PDE12: variants seen among roughly 807,000 people sequenced by gnomAD.
PDE12 encodes 2',5'-phosphodiesterase 12.
Under a neutral mutation model 45.4 loss-of-function variants are expected in PDE12, and 26 were observed. The observed-to-expected ratio is 0.57, with a 90% confidence interval of 0.42 to 0.79. The LOEUF is 0.79. PDE12 is among the 30% of genes least tolerant of loss of function. The pLI, the probability that PDE12 is intolerant of heterozygous loss-of-function variation, is 0.00. For synonymous variants in PDE12, 283 were observed against 323.9 expected, an observed-to-expected ratio of 0.87 and a Z score of 1.36; for missense variants, 668 against 790.0, an observed-to-expected ratio of 0.85 and a Z score of 1.85.
chr3:57,586,704 C>CA, the PDE12 span, among the ~76,000 whole-genome samples: 1 of 151,662 alleles, frequency 6.6e-6, no homozygotes, highest in African/African-American at 2.4e-5. Context: ...GGAACATTAT[C>CA]AAAAAAATCA....
chr3:57,598,452 CTG>C, the PDE12 span, among the ~76,000 whole-genome samples: 1 of 152,240 alleles, frequency 6.6e-6, no homozygotes, highest in South Asian at 2.1e-4. Flanking sequence ...CCTTCAGAGA[CTG>C]TTATTTCTTA....
the PDE12 span, among the ~76,000 whole-genome samples, chr3:57,573,878 G>A: frequency 1.3e-4 from 20 of 152,012 alleles, no homozygotes; most frequent in South Asian, 2.1e-4. Flanking sequence ...CACCACACCC[G>A]GCCCAGTTTA....
the PDE12 span, among the ~76,000 whole-genome samples, chr3:57,590,385 C>T: frequency 4.0e-5 from 6 of 151,604 alleles, no homozygotes; most frequent in African/African-American, 1.5e-4. Context: ...ACTTGGGAGG[C>T]TGAGGCAGGA....
At chr3:57,589,015 T>C in the PDE12 span, among the ~76,000 whole-genome samples, 4 of 151,978 alleles carry the variant, frequency 2.6e-5, no homozygotes, top group South Asian at 2.1e-4. Context: ...GGCAGGAGAA[T>C]TGCTTGAACC....
chr3:57,605,427 A>G, the PDE12 span, among the ~76,000 whole-genome samples: 9 of 152,180 alleles, frequency 5.9e-5, no homozygotes, highest in African/African-American at 1.4e-4. Context: ...GCCTGGTTCT[A>G]TCAATCAGCC....
At chr3:57,653,900 C>T in the PDE12 span, among the ~76,000 whole-genome samples, 1 of 150,452 alleles carries the variant, frequency 6.6e-6, no homozygotes, top group African/African-American at 2.4e-5. Context: ...AAGCTCCCAC[C>T]ACCAAAACAG....
the PDE12 span, among the ~76,000 whole-genome samples, chr3:57,619,840 ACT>A: frequency 6.6e-6 from 1 of 151,992 alleles, no homozygotes; most frequent in Non-Finnish European, 1.5e-5. Context: ...ACAGAGCAAG[ACT>A]CTGTCTCAAA....
chr3:57,621,816 CAT>C, the PDE12 span, among the ~76,000 whole-genome samples: 1 of 150,870 alleles, frequency 6.6e-6, no homozygotes, highest in Admixed American at 6.6e-5. Context: ...AAAAAAAAGT[CAT>C]AAACTAGGGG....
At chr3:57,609,015 C>T in the PDE12 span, among the ~76,000 whole-genome samples, 6 of 152,118 alleles carry the variant, frequency 3.9e-5, no homozygotes, top group African/African-American at 1.4e-4. Context: ...TGTAAAAGAA[C>T]AGAAATTATA....
Position 57,559,634 on chromosome 3 carries a change from C to T in PDE12, c.1460C>T (p.Pro487Leu), listed in dbSNP as rs1469062401. The change falls in exon 3 of 3, where the codon CCT becomes CTT. Residue 487 changes from proline to leucine, a missense_variant. Physicochemically the swap from Pro to Leu is moderately conservative, Grantham distance 98 (BLOSUM62 -3). Transcript: ENST00000311180. Reference protein sequence around the residue: ...HIRHVSCDLYPGIPVIFCGDF... With the variant: ...HIRHVSCDLYLGIPVIFCGDF... The stretch of plus-strand genomic sequence containing the variant: ...AGACATGTTTCATGTGATCTGTATC[C>T]TGGCATACCAGTTATATTTTGTGGG... 6.2e-7 allele frequency: 1 copy of T among 1,614,134 alleles called. No homozygotes were observed. Among genetic ancestry groups the T allele is most frequent in the Non-Finnish European group, 8.5e-7 (1 of 1,179,998 alleles).
At chr3:57,614,599 A>C in the PDE12 span, among the ~76,000 whole-genome samples, 9 of 135,544 alleles carry the variant, frequency 6.6e-5, no homozygotes, top group Non-Finnish European at 9.1e-5. Context: ...ACTGGAGTGC[A>C]GTGGCGCGAT....
At chr3:57,586,503 C>T in the PDE12 span, among the ~76,000 whole-genome samples, 1 of 152,166 alleles carries the variant, frequency 6.6e-6, no homozygotes, top group Non-Finnish European at 1.5e-5. Context: ...CCAAGAATAA[C>T]TTTAAGTTCT....
the PDE12 span, among the ~76,000 whole-genome samples, chr3:57,641,299 TTAAA>T: frequency 2.1e-5 from 3 of 143,806 alleles, no homozygotes; most frequent in Non-Finnish European, 3.0e-5. Context: ...TATTATATAT[TTAAA>T]TATATATTTA....
Position 57,559,613 on chromosome 3 carries a change from A to T in PDE12, c.1439A>T (p.His480Leu). 2 of 1,613,466 alleles carry T rather than the reference A, an allele frequency of 1.2e-6. No homozygotes were observed. The highest frequency in any genetic ancestry group is 1.7e-6 in the Non-Finnish European group (2 of 1,179,400). ...GCAGTAGCCTTGGCTCACATAAGACATGTTTCATGTGATCTGTATCCTGGC... is the reference window on the plus strand; with the variant it reads ...GCAGTAGCCTTGGCTCACATAAGACTTGTTTCATGTGATCTGTATCCTGGC... Reference protein sequence around the residue: ...QMAVALAHIRHVSCDLYPGIP... With the variant: ...QMAVALAHIRLVSCDLYPGIP... Residue 480 changes from histidine to leucine, a missense_variant, in exon 3 of 3, where the codon CAT (histidine) becomes CTT (leucine). Transcript: ENST00000311180.
chr3:57,630,680 G>A, the PDE12 span: 19 of 1,581,828 alleles, frequency 1.2e-5, no homozygotes, highest in African/African-American at 1.1e-4. Context: ...AATAAAGCAC[G>A]ACACATGGGT....
the PDE12 span, among the ~76,000 whole-genome samples, chr3:57,612,190 A>G: frequency 7.1e-6 from 1 of 140,586 alleles, no homozygotes; most frequent in Non-Finnish European, 1.5e-5. Context: ...GAATTGAACA[A>G]TGAGAACATT....
the PDE12 span, among the ~76,000 whole-genome samples, chr3:57,589,053 G>A: frequency 6.6e-6 from 1 of 150,974 alleles, no homozygotes; most frequent in Non-Finnish European, 1.5e-5. Context: ...AGTGAGCTGA[G>A]ATCGCGCCAT....
the PDE12 span, among the ~76,000 whole-genome samples, chr3:57,590,152 G>A: frequency 8.1e-5 from 9 of 111,734 alleles, no homozygotes; most frequent in South Asian, 1.0e-3. Flanking sequence ...AACAAAAAAA[G>A]AACATCTATA....
At chr3:57,612,099 G>A in the PDE12 span, among the ~76,000 whole-genome samples, 2 of 152,024 alleles carry the variant, frequency 1.3e-5, no homozygotes, top group Non-Finnish European at 1.5e-5. Context: ...TAGGGGCATG[G>A]ATGAAGCTGG....
Sources: gnomAD v4.1 joint callset for allele counts (sites outside exome capture counted in the v4.1 genomes callset) on GRCh38, gnomAD v4.1.1 for gene constraint, MANE v1.5 for transcripts, NCBI Gene and HGNC (gene_info 2026-07-23, HGNC 2026-07-21) for gene names.